The following REC114 variants were observed in gnomAD, a reference collection of about 807,000 sequenced individuals.
The protein encoded by REC114 is REC114 meiotic recombination protein, also known as meiotic recombination protein REC114.
In REC114, 27 loss-of-function variants were observed where a neutral mutation model predicts 31.3. The ratio of observed to expected loss-of-function variants is 0.86; its 90% CI spans 0.64 to 1.19. REC114 has a LOEUF of 1.19. REC114 is among the 50% of genes most tolerant of loss of function. The pLI is 0.00. For synonymous variants in REC114, 134 were observed against 127.7 expected (o/e 1.05, Z -0.33); for missense variants, 344 against 326.9 (o/e 1.05, Z -0.40).
intron 2 of REC114, among the ~76,000 whole-genome samples, chr15:73,538,491 C>T (rs867446492): frequency 7.8e-6 from 1 of 127,636 alleles, no homozygotes; most frequent in Non-Finnish European, 1.6e-5. Flanking sequence ...GAGGCTTGCT[C>T]TTTCGCCCAG....
chr15:73,538,746 C>T (rs921166630), intron 2 of REC114, among the ~76,000 whole-genome samples: 2 of 152,058 alleles, frequency 1.3e-5, no homozygotes, highest in African/African-American at 2.4e-5. Flanking sequence ...TGAGCCACCG[C>T]ACCTGGCTCA....
At chr15:73,489,950 T>A (rs1893422381) in intron 2 of REC114, among the ~76,000 whole-genome samples, 1 of 152,200 alleles carries the variant, frequency 6.6e-6, no homozygotes, top group African/African-American at 2.4e-5. Flanking sequence ...CTTGCTTAAT[T>A]GTAAATGTGG....
chr15:73,558,854 T>C (rs1894519975), intron 5 of REC114, among the ~76,000 whole-genome samples: 2 of 152,242 alleles, frequency 1.3e-5, no homozygotes, highest in Admixed American at 1.3e-4. Context: ...TGTAAGGGAA[T>C]GTTTATAGCA....
chr15:73,496,535 C>A (rs1221936519), intron 2 of REC114, among the ~76,000 whole-genome samples: 1 of 151,554 alleles, frequency 6.6e-6, no homozygotes, highest in African/African-American at 2.4e-5. Flanking sequence ...CACCTGTAAT[C>A]CCAGCTACTT....
chr15:73,531,516 C>T (rs1894082220), intron 2 of REC114, among the ~76,000 whole-genome samples: 1 of 152,138 alleles, frequency 6.6e-6, no homozygotes, highest in African/African-American at 2.4e-5. Flanking sequence ...TAGTGTGGCG[C>T]CCCATCTTGG....
At chr15:73,492,208 C>T (rs1893456840) in intron 2 of REC114, among the ~76,000 whole-genome samples, 1 of 152,164 alleles carries the variant, frequency 6.6e-6, no homozygotes, top group Non-Finnish European at 1.5e-5. Context: ...CACCATCTGA[C>T]TTCTAATAGC....
At chr15:73,535,782 A>C (rs1305401487) in intron 2 of REC114, among the ~76,000 whole-genome samples, 1 of 151,058 alleles carries the variant, frequency 6.6e-6, no homozygotes. Flanking sequence ...ACTATACTAC[A>C]AGGCTACAGT....
At chr15:73,470,356 CT>C (rs1184127356) in intron 1 of REC114, among the ~76,000 whole-genome samples, 2 of 152,074 alleles carry the variant, frequency 1.3e-5, no homozygotes, top group Non-Finnish European at 2.9e-5. Context: ...ACTCTTCATT[CT>C]TTTGTGGAGA....
chr15:73,546,317 A>T (rs1013989603), intron 3 of REC114, among the ~76,000 whole-genome samples: 17 of 152,306 alleles, frequency 1.1e-4, no homozygotes, highest in Non-Finnish European at 1.9e-4. Context: ...GTTAGGCATT[A>T]TGTACCAAAA....
intron 1 of REC114, among the ~76,000 whole-genome samples, chr15:73,465,463 C>T (rs1446528105): frequency 6.6e-6 from 1 of 152,192 alleles, no homozygotes; most frequent in Non-Finnish European, 1.5e-5. Flanking sequence ...CAAGCCTCAC[C>T]TTCTCAGATG....
intron 4 of REC114, among the ~76,000 whole-genome samples, chr15:73,555,101 T>C (rs1894446545): frequency 6.6e-6 from 1 of 152,226 alleles, no homozygotes; most frequent in Non-Finnish European, 1.5e-5. Context: ...TGTTGTTGTT[T>C]GATGCTTCCA....
chr15:73,477,071 A>G (rs1437145446), intron 2 of REC114, among the ~76,000 whole-genome samples: 1 of 152,144 alleles, frequency 6.6e-6, no homozygotes. Context: ...AGTGTGTAGT[A>G]TTATCTCATG....
chr15:73,488,399 T>C (rs765910141), intron 2 of REC114, among the ~76,000 whole-genome samples: 15 of 152,350 alleles, frequency 9.8e-5, no homozygotes, highest in Middle Eastern at 6.8e-3. Context: ...TTCCAAATCT[T>C]TATGTTCTGC....
chr15:73,545,588 A>G lies in REC114; in HGVS notation c.333+5020A>G, dbSNP rs143366784. On this transcript the variant is annotated intron_variant, in intron 3 of 5. Coordinates refer to ENST00000331090, the MANE Select transcript of REC114 (RefSeq NM_001042367.2). The stretch of plus-strand genomic sequence containing the variant: ...TAAGCTCAAATTCTAAAATTTTTAC[A>G]GAAGCAAACATGGAACAAGACTTCA... Among the ~76,000 whole-genome samples, 683 of 152,348 alleles carry G rather than the reference A, an allele frequency of 4.5e-3. 1 individual carries two copies. The highest frequency in any genetic ancestry group is 8.1e-3 in the Non-Finnish European group (554 of 68,036).
intron 2 of REC114, among the ~76,000 whole-genome samples, chr15:73,497,815 A>G (rs1203848321): frequency 6.6e-6 from 1 of 152,188 alleles, no homozygotes; most frequent in South Asian, 2.1e-4. Flanking sequence ...ATGAAAGTGG[A>G]GAGGAACAGT....
intron 2 of REC114, among the ~76,000 whole-genome samples, chr15:73,523,116 A>G (rs1027159113): frequency 6.6e-6 from 1 of 152,160 alleles, no homozygotes. Context: ...TGAGTTGTCT[A>G]TAAGAGGTTA....
intron 2 of REC114, chr15:73,483,116 T>C (rs923548265): frequency 5.3e-5 from 8 of 152,222 alleles, no homozygotes; most frequent in African/African-American, 1.9e-4. Context: ...TGAGCGTCTT[T>C]TATGTATTTG....
intron 3 of REC114, among the ~76,000 whole-genome samples, chr15:73,550,019 A>ATG (rs1894366354): frequency 6.6e-6 from 1 of 152,158 alleles, no homozygotes; most frequent in Non-Finnish European, 1.5e-5. Flanking sequence ...CATGGTATAT[A>ATG]TATTTCATGA....
In REC114 at chr15:73,560,011, A is replaced by C. The variant is rs775953439; in HGVS notation, c.*95A>C. ...GATATTAGAATAAAGAGTATTATCCAAACACCTTTTATCAATGTTTTATTT... is the reference window on the plus strand; with the variant it reads ...GATATTAGAATAAAGAGTATTATCCCAACACCTTTTATCAATGTTTTATTT... On this transcript the variant is annotated 3_prime_UTR_variant, in exon 6 of 6. Coordinates refer to ENST00000331090, the MANE Select transcript of REC114 (RefSeq NM_001042367.2). The C allele has an allele frequency of 8.5e-7, 1 of 1,174,722 alleles. No individual in the cohort carries two copies. The highest frequency in any genetic ancestry group is 1.2e-6 in the Non-Finnish European group (1 of 847,678). 72.8% of individuals were successfully genotyped at this position (1,174,722 alleles called of 1,614,324 possible).
Sources: allele counts gnomAD v4.1 joint callset (sites outside exome capture counted in the v4.1 genomes callset), GRCh38; gene constraint gnomAD v4.1.1; transcripts MANE v1.5; gene names NCBI Gene and HGNC (gene_info 2026-07-23, HGNC 2026-07-21).